ZNF814: variants seen among roughly 807,000 people sequenced by gnomAD.
ZNF814 encodes the protein zinc finger protein 814.
Under a neutral mutation model 7.5 loss-of-function variants are expected in ZNF814, and 5 were observed. The ratio of observed to expected loss-of-function variants is 0.67; its 90% CI spans 0.35 to 1.40. The LOEUF is 1.40. Ranked by LOEUF, ZNF814 falls within the 40% of genes most tolerant of loss-of-function variation. The pLI is 0.04. For missense variants in ZNF814, 962 were observed against 1,018.0 expected (o/e 0.94, Z 0.75); for synonymous variants, 315 against 340.7 (o/e 0.92, Z 0.83).
At chr19:57,887,576 C>G (rs2122470418) in intron 1 of ZNF814, among the ~76,000 whole-genome samples, 1 of 152,318 alleles carries the variant, frequency 6.6e-6, no homozygotes, top group Admixed American at 6.5e-5. Context: ...TCTTAATCAC[C>G]TAGCCTCGTT....
chr19:57,898,725 A>C, the ZNF814 span, among the ~76,000 whole-genome samples: 1 of 152,166 alleles, frequency 6.6e-6, no homozygotes, highest in African/African-American at 2.4e-5. Context: ...GGTGGATGGC[A>C]AGGTCAAGAG....
chr19:57,873,754 T>C lies in ZNF814; in HGVS notation c.1636A>G (p.Arg546Gly), dbSNP rs767625273. ...RNHQQIHTGD[R>G]LYECGECGKS... ...CCACACTCTCCACACTCATAAAGTC[T>C]GTCCCCAGTGTGAATTTGCTGATGG... The change falls in exon 3 of 3, where the codon AGA becomes GGA. Residue 546 changes from arginine to glycine, a missense_variant. Physicochemically the swap from Arg to Gly is moderately radical, Grantham distance 125. Coordinates refer to ENST00000435989, the MANE Select transcript of ZNF814 (RefSeq NM_001144989.2). 2.5e-6 allele frequency: 4 copies of C among 1,613,764 alleles called. No homozygotes were observed. Among genetic ancestry groups the C allele is most frequent in the Non-Finnish European group, 3.4e-6 (4 of 1,179,890 alleles).
In ZNF814 at chr19:57,869,960, G is replaced by T. The variant is rs866009631; in HGVS notation, c.*2862C>A. On this transcript the variant is annotated 3_prime_UTR_variant, in exon 3 of 3. Coordinates refer to ENST00000435989, the MANE Select transcript of ZNF814 (RefSeq NM_001144989.2). Reference sequence around the variant, plus strand: ...TCTGTCTCAAAAAAAAAAAAAAAAGGTTGGGCACGGTGGCTCATGCCTATA... The same window carrying T: ...TCTGTCTCAAAAAAAAAAAAAAAAGTTTGGGCACGGTGGCTCATGCCTATA... The T allele has an allele frequency of 7.8e-6, 1 of 128,622 alleles. No homozygotes were observed. The highest frequency in any genetic ancestry group is 3.4e-5 in the African/African-American group (1 of 29,154). 8.0% of individuals were successfully genotyped at this position (128,622 alleles called of 1,614,324 possible). A position where few individuals can be genotyped will look rare whatever the true frequency, so the allele number is the denominator to read the frequency against.
intron 1 of ZNF814, 100 bp downstream of exon 1, chr19:57,888,667 C>G: frequency 1.4e-6 from 2 of 1,462,822 alleles, no homozygotes; most frequent in Non-Finnish European, 1.9e-6. Context: ...AGTGTCCCAA[C>G]GCCGGCGTCC....
chr19:57,876,277 C>T (rs1483130090), intron 2 of ZNF814, among the ~76,000 whole-genome samples: 2 of 151,982 alleles, frequency 1.3e-5, no homozygotes, highest in Non-Finnish European at 2.9e-5. Context: ...TCTTTAGGGA[C>T]TCACTCCTTC....
chr19:57,900,839 A>ATTCTTTTTTTTTTTTTTTTTTTT, the ZNF814 span, among the ~76,000 whole-genome samples: 1 of 45,782 alleles, frequency 2.2e-5, no homozygotes, highest in Non-Finnish European at 3.8e-5. Context: ...CCATGGCTGC[A>ATTCTTTTTTTTTTTTTTTTTTTT]TTTTTTTTTT....
chr19:57,903,975 C>T, the ZNF814 span, among the ~76,000 whole-genome samples: 1 of 152,078 alleles, frequency 6.6e-6, no homozygotes, highest in South Asian at 2.1e-4. Context: ...AAACTCTGTG[C>T]CAAAGGGTGG....
rs1400704321 is a variant in ZNF814 at position 57,873,944 on chromosome 19, ATGG to A, written c.1443_1445del (p.His482del). The stretch of plus-strand genomic sequence containing the variant: ...GTCTTTCTCCACTGTGAACTCGCTG[ATGG>A]TGAACAAGGCTGCGCTTATGACTGA... On this transcript the variant is annotated inframe_deletion, in exon 3 of 3. Coordinates refer to ENST00000435989, the MANE Select transcript of ZNF814 (RefSeq NM_001144989.2). The A allele has an allele frequency of 5.6e-6, 9 of 1,613,934 alleles. No individual in the cohort carries two copies. In the East Asian group the frequency reaches 1.8e-4, roughly 32 times the overall value.
At chr19:57,901,199 C>T in the ZNF814 span, among the ~76,000 whole-genome samples, 1 of 152,072 alleles carries the variant, frequency 6.6e-6, no homozygotes, top group Non-Finnish European at 1.5e-5. Flanking sequence ...ATATAACTCA[C>T]AGGGACAAGA....
At chr19:57,898,542 G>A in the ZNF814 span, among the ~76,000 whole-genome samples, 6 of 152,268 alleles carry the variant, frequency 3.9e-5, no homozygotes, top group South Asian at 4.1e-4. Context: ...AGCAATGGCC[G>A]CTGAAACAGG....
chr19:57,871,850 C>A lies in ZNF814; in HGVS notation c.*972G>T, dbSNP rs183231892. 1.1e-4 allele frequency among the ~76,000 whole-genome samples: 16 copies of A among 150,308 alleles called. No individual in the cohort carries two copies. The East Asian group carries it at 3.1e-3, about 29-fold the overall frequency. On this transcript the variant is annotated 3_prime_UTR_variant, in exon 3 of 3. Coordinates refer to ENST00000435989, the MANE Select transcript of ZNF814 (RefSeq NM_001144989.2). ...AAAGGCCAGGCACAGTAACTCACAC[C>A]TGTAATCCCAGCATGTTTGGAGGCC...
At chr19:57,885,334 A>G (rs562078040) in intron 1 of ZNF814, among the ~76,000 whole-genome samples, 20 of 149,848 alleles carry the variant, frequency 1.3e-4, no homozygotes, top group African/African-American at 5.0e-4. Flanking sequence ...AAAAAAAAAA[A>G]GAAAAGAAAA....
At position 57,874,744 on chromosome 19, in the gene ZNF814, A is replaced by G. The variant is rs765558443; in HGVS notation, c.646T>C (p.Cys216Arg). Residue 216 changes from cysteine (C) to arginine (R), a missense_variant, in exon 3 of 3, where the codon TGT becomes CGT. Coordinates refer to ENST00000435989, the MANE Select transcript of ZNF814 (RefSeq NM_001144989.2). ...CTAAAATGTTTCATGGATTCTCCAC[A>G]GCTGTAGTGAGCTCCCCCACACTGA... Reference protein sequence around the residue: ...PIQCGGAHYSCGESMKHFSTK... With the variant: ...PIQCGGAHYSRGESMKHFSTK... The G allele has an allele frequency of 6.8e-6, 11 of 1,611,696 alleles. No individual in the cohort carries two copies. Among genetic ancestry groups the G allele is most frequent in the African/African-American group, 4.0e-5 (3 of 74,910 alleles).
the ZNF814 span, among the ~76,000 whole-genome samples, chr19:57,902,532 G>A: frequency 6.6e-6 from 1 of 151,964 alleles, no homozygotes; most frequent in Non-Finnish European, 1.5e-5. Context: ...AATTTGGGAG[G>A]GTAAATATAA....
rs2071595288 is a variant in ZNF814, at chr19:57,875,111, G to A, written c.279C>T (p.Pro93=). The change falls in exon 3 of 3, where the codon CCC becomes CCT. Residue 93 remains proline (P), a synonymous_variant. Coordinates refer to ENST00000435989, the MANE Select transcript of ZNF814 (RefSeq NM_001144989.2). ...CCAAGATCGGGCCACACATCTCACA[G>A]GGGTGGGCCTTCTTGGGAGACACAC... is the stretch of plus-strand genomic sequence containing the variant. ...MAGVSPKKAH[P]CEMCGPILGD... 1 of 1,565,586 alleles carries A rather than the reference G, an allele frequency of 6.4e-7. No homozygotes were observed. The highest frequency in any genetic ancestry group is 1.8e-5 in the Admixed American group (1 of 54,314).
upstream of ZNF814, among the ~76,000 whole-genome samples, chr19:57,890,017 A>C (rs1483093253): frequency 6.6e-6 from 1 of 152,194 alleles, no homozygotes; most frequent in Non-Finnish European, 1.5e-5. Flanking sequence ...GAAAAATATT[A>C]TTTCAGAGTT....
chr19:57,873,240 G>T lies in ZNF814; in HGVS notation c.2150C>A (p.Ala717Asp), dbSNP rs776070878. 5 of 1,606,280 alleles carry T rather than the reference G, an allele frequency of 3.1e-6. No homozygotes were observed. In the Admixed American group the frequency reaches 8.5e-5, roughly 27 times the overall value. The change falls in exon 3 of 3, where the codon GCT becomes GAT. Residue 717 changes from alanine to aspartate, a missense_variant. Coordinates refer to ENST00000435989, the MANE Select transcript of ZNF814 (RefSeq NM_001144989.2). ...AAAAAATTTCTGACAAGCTTCACAA[G>T]CATATGGCTTTTCTCCATTGTGAAT... Reference protein sequence around the residue: ...QRIHNGEKPYACEACQKFFRN... With the variant: ...QRIHNGEKPYDCEACQKFFRN...
In ZNF814 at chr19:57,873,575, C is replaced by T. The variant is rs1423702678; in HGVS notation, c.1815G>A (p.Glu605=). ...QRVHTGERPY[E]CGECGKSFSH... ...TAAAAGATTTCCCACATTCTCCACACTCATAAGGCCTCTCTCCAGTATGAA... is the reference window on the plus strand; with the variant it reads ...TAAAAGATTTCCCACATTCTCCACATTCATAAGGCCTCTCTCCAGTATGAA... Residue 605 remains glutamate (E), a synonymous_variant, in exon 3 of 3, where the codon GAG becomes GAA. Transcript: ENST00000435989. 2 of 1,613,810 alleles carry T rather than the reference C, an allele frequency of 1.2e-6. No individual in the cohort carries two copies. Among genetic ancestry groups the T allele is most frequent in the East Asian group, 4.5e-5 (2 of 44,868 alleles).
chr19:57,888,777 A>T lies in ZNF814; in HGVS notation c.26T>A (p.Leu9His), dbSNP rs965894988. ...AGGCCCCACAATTACCTGAGCGGAG[A>T]GCCTCAGCGTAGCCGCGGCAGCCAT... is the stretch of plus-strand genomic sequence containing the variant. MAAAATLR[L>H]SAQGTVTFED... Residue 9 changes from leucine (L) to histidine (H), a missense_variant, in exon 1 of 3, where the codon CTC (leucine) becomes CAC (histidine). Leu to His is a moderately conservative substitution (Grantham distance 99). Around this residue, in one of 7 missense-constraint regions of ZNF814, gnomAD observed 63 missense variants for 65.0 expected, o/e 0.97. Coordinates refer to ENST00000435989, the MANE Select transcript of ZNF814 (RefSeq NM_001144989.2). 2 of 1,552,650 alleles carry T rather than the reference A, an allele frequency of 1.3e-6. No homozygotes were observed. Among genetic ancestry groups the T allele is most frequent in the African/African-American group, 2.7e-5 (2 of 73,058 alleles).
Sources: allele counts gnomAD v4.1 joint callset (sites outside exome capture counted in the v4.1 genomes callset), GRCh38; gene constraint gnomAD v4.1.1; regional missense constraint gnomAD v4.1.1; transcripts MANE v1.5; gene names NCBI Gene and HGNC (gene_info 2026-07-23, HGNC 2026-07-21).